Variants in ERC2 observed in about 807,000 individuals in gnomAD.
ERC2 encodes ERC protein 2.
Under a neutral mutation model 114.8 loss-of-function variants are expected in ERC2, and 42 were observed. The observed-to-expected ratio is 0.37, with a 90% CI of 0.29 to 0.47. The LOEUF is 0.47. ERC2 is among the 20% of genes least tolerant of loss of function. The probability of loss-of-function intolerance (pLI) is 0.99; values close to 1 mark genes in which losing one functional copy is unlikely to be tolerated. For missense variants in ERC2, 939 were observed against 1,150.7 expected, an observed-to-expected ratio of 0.82 and a Z score of 2.66; for synonymous variants, 454 against 425.5, an observed-to-expected ratio of 1.07 and a Z score of -0.82.
chr3:56,109,437 G>A (rs763308850), intron 6 of ERC2, among the ~76,000 whole-genome samples: 2 of 152,102 alleles, frequency 1.3e-5, no homozygotes, highest in African/African-American at 4.8e-5. Context: ...GGGCATTTAG[G>A]TTGATTCCAT....
chr3:55,528,033 G>A (rs1266157006), intron 17 of ERC2, among the ~76,000 whole-genome samples: 1 of 152,098 alleles, frequency 6.6e-6, no homozygotes, highest in African/African-American at 2.4e-5. Flanking sequence ...GGAGGATCAG[G>A]GGTAATATGT....
chr3:55,916,554 C>T (rs563613297), intron 13 of ERC2, among the ~76,000 whole-genome samples: 1 of 152,300 alleles, frequency 6.6e-6, no homozygotes, highest in South Asian at 2.1e-4. Flanking sequence ...ACACCTCCCA[C>T]TCATCCATGC....
chr3:55,714,052 C>T (rs1485800502), intron 15 of ERC2, among the ~76,000 whole-genome samples: 5 of 152,158 alleles, frequency 3.3e-5, no homozygotes, highest in Admixed American at 3.3e-4. Context: ...AATTTAAAGA[C>T]TTATTTTGCA....
At chr3:55,773,823 A>G (rs1482408162) in intron 14 of ERC2, among the ~76,000 whole-genome samples, 1 of 152,246 alleles carries the variant, frequency 6.6e-6, no homozygotes, top group East Asian at 1.9e-4. Context: ...GAAAAACTGT[A>G]AGTATATTTT....
intron 3 of ERC2, among the ~76,000 whole-genome samples, chr3:56,188,624 T>C (rs923415574): frequency 5.3e-5 from 8 of 152,224 alleles, no homozygotes; most frequent in Non-Finnish European, 1.5e-5. Context: ...TTTCTTTTGC[T>C]GCAGATTTTC....
chr3:55,611,308 C>T (rs148468420), intron 17 of ERC2, among the ~76,000 whole-genome samples: 101 of 152,160 alleles, frequency 6.6e-4, no homozygotes, highest in African/African-American at 2.4e-3. Flanking sequence ...TTGTCCTCTC[C>T]GTGAGCTAAT....
At chr3:55,715,544 A>T (rs1464568144) in intron 15 of ERC2, among the ~76,000 whole-genome samples, 1 of 152,234 alleles carries the variant, frequency 6.6e-6, no homozygotes, top group East Asian at 1.9e-4. Context: ...ATTAAAAAGC[A>T]TAATTATGGC....
chr3:56,081,940 GACAA>G (rs755672510), intron 6 of ERC2, among the ~76,000 whole-genome samples: 55 of 152,258 alleles, frequency 3.6e-4, no homozygotes, highest in Admixed American at 1.0e-3. Flanking sequence ...ATGCAACTGT[GACAA>G]ACACTTTATT....
At chr3:56,356,773 G>C (rs73835006) in intron 2 of ERC2, among the ~76,000 whole-genome samples, 3,014 of 152,292 alleles carry the variant, frequency 0.02, 103 homozygotes, top group African/African-American at 0.066. Flanking sequence ...AGACATCAGA[G>C]CAGCTGTTTG....
intron 17 of ERC2, among the ~76,000 whole-genome samples, chr3:55,565,207 C>T (rs556058912): frequency 1.2e-4 from 19 of 152,124 alleles, no homozygotes; most frequent in South Asian, 2.1e-4. Flanking sequence ...TTCTGTCATG[C>T]GAAGCCAAAC....
intron 4 of ERC2, among the ~76,000 whole-genome samples, chr3:56,171,365 A>G (rs1362696116): frequency 6.6e-6 from 1 of 152,210 alleles, no homozygotes. Context: ...ATAGATGTTA[A>G]TGGGACCCAG....
intron 13 of ERC2, among the ~76,000 whole-genome samples, chr3:55,905,078 G>A (rs1374367191): frequency 6.6e-6 from 1 of 152,174 alleles, no homozygotes; most frequent in Non-Finnish European, 1.5e-5. Context: ...ATGTCTTGAT[G>A]TGTTTCACGT....
intron 14 of ERC2, among the ~76,000 whole-genome samples, chr3:55,794,698 C>A (rs1271614202): frequency 2.6e-5 from 4 of 152,166 alleles, no homozygotes; most frequent in Non-Finnish European, 5.9e-5. Context: ...ACATTATACC[C>A]AGACAAGCTT....
intron 12 of ERC2, among the ~76,000 whole-genome samples, chr3:55,952,418 T>C (rs998208701): frequency 1.3e-5 from 2 of 151,992 alleles, no homozygotes; most frequent in Admixed American, 6.6e-5. Context: ...CAAGTCAAAC[T>C]TGCATGCTAA....
chr3:56,396,210 A>G (rs1312634851), intron 2 of ERC2, among the ~76,000 whole-genome samples: 2 of 152,234 alleles, frequency 1.3e-5, no homozygotes, highest in Non-Finnish European at 2.9e-5. Flanking sequence ...TTTATTCTTC[A>G]GACATTCTTG....
chr3:56,120,691 T>A (rs756131870), intron 6 of ERC2, among the ~76,000 whole-genome samples: 1 of 152,194 alleles, frequency 6.6e-6, no homozygotes, highest in Non-Finnish European at 1.5e-5. Context: ...TATAGTATCC[T>A]GTGATGCAGA....
chr3:55,842,372 C>T (rs768360734), intron 14 of ERC2, among the ~76,000 whole-genome samples: 5 of 152,106 alleles, frequency 3.3e-5, no homozygotes, highest in Admixed American at 6.5e-5. Flanking sequence ...GTGGGTGTCC[C>T]GTTCCAGGGA....
chr3:56,403,765 C>T (rs2060610043), intron 2 of ERC2, among the ~76,000 whole-genome samples: 1 of 152,212 alleles, frequency 6.6e-6, no homozygotes, highest in Admixed American at 6.5e-5. Context: ...CCAGACTAAA[C>T]ATCCTCAGCC....
At chr3:56,362,050 C>T (rs2058977641) in intron 2 of ERC2, among the ~76,000 whole-genome samples, 1 of 152,206 alleles carries the variant, frequency 6.6e-6, no homozygotes, top group Admixed American at 6.5e-5. Flanking sequence ...AGGCTTAAAG[C>T]TCAGCCAATC....
Sources: gnomAD v4.1 joint callset for allele counts (sites outside exome capture counted in the v4.1 genomes callset) on GRCh38, gnomAD v4.1.1 for gene constraint, MANE v1.5 for transcripts, NCBI Gene and HGNC (gene_info 2026-07-23, HGNC 2026-07-21) for gene names.